The following NOTCH2 variants were observed in gnomAD, a reference collection of about 807,000 sequenced individuals.
NOTCH2 encodes the protein notch receptor 2.
In NOTCH2, 29 loss-of-function variants were observed where a neutral mutation model predicts 235.8. The ratio of observed to expected loss-of-function variants is 0.12; its 90% CI spans 0.09 to 0.17. The LOEUF is 0.17. Among genes scored for constraint, NOTCH2 ranks in the 10% least tolerant of loss-of-function variants. NOTCH2 has a pLI of 1.00. For missense variants in NOTCH2, 2,285 were observed against 3,150.2 expected (o/e 0.73, Z 6.57); for synonymous variants, 1,086 against 1,141.5 (o/e 0.95, Z 0.98).
At chr1:119,979,725 A>G (rs1365329858) in intron 5 of NOTCH2, among the ~76,000 whole-genome samples, 1 of 152,214 alleles carries the variant, frequency 6.6e-6, no homozygotes, top group Non-Finnish European at 1.5e-5. Context: ...AATTGTAAAT[A>G]TCAAGAATAA....
intron 5 of NOTCH2, among the ~76,000 whole-genome samples, chr1:119,985,940 A>C (rs2101182303): frequency 6.6e-6 from 1 of 152,340 alleles, no homozygotes; most frequent in African/African-American, 2.4e-5. Flanking sequence ...AATTAAAAGC[A>C]GAAATGTTTG....
At chr1:119,988,566 A>G (rs909261009) in intron 4 of NOTCH2, among the ~76,000 whole-genome samples, 1 of 152,204 alleles carries the variant, frequency 6.6e-6, no homozygotes, top group Non-Finnish European at 1.5e-5. Context: ...ATGATGAGCC[A>G]TTGAAGCCCA....
rs756949183 is a variant in NOTCH2, at chr1:119,916,618, T to C, written c.6104A>G (p.Asn2035Ser). The part of the protein sequence containing the change: ...AAKILLDHFA[N>S]RDITDHMDRL... ...ATCCATATGGTCTGTGATGTCTCGA[T>C]TGGCAAAATGGTCTAACAGGATCTT... Residue 2035 changes from asparagine to serine, a missense_variant, in exon 34 of 34, where the codon AAT (asparagine) becomes AGT (serine). Coordinates refer to ENST00000256646, the MANE Select transcript of NOTCH2 (RefSeq NM_024408.4). The C allele has an allele frequency of 1.2e-5, 20 of 1,614,048 alleles. No individual in the cohort carries two copies. The highest frequency in any genetic ancestry group is 1.6e-4 in the Middle Eastern group (1 of 6,084).
chr1:119,946,639 A>C (rs1334316463), intron 17 of NOTCH2, among the ~76,000 whole-genome samples: 1 of 152,106 alleles, frequency 6.6e-6, no homozygotes. Context: ...AAATACAAAA[A>C]GACCTCTTAA....
At chr1:119,943,661 T>C (rs1427250260) in intron 17 of NOTCH2, among the ~76,000 whole-genome samples, 1 of 152,064 alleles carries the variant, frequency 6.6e-6, no homozygotes, top group Non-Finnish European at 1.5e-5. Context: ...ATGTCTAGCA[T>C]CCAGTAAAAA....
rs147568545 is a variant in NOTCH2, at chr1:119,933,936, T to C, written c.3655+1536A>G. On this transcript the variant is annotated intron_variant, in intron 22 of 33. Coordinates refer to ENST00000256646, the MANE Select transcript of NOTCH2 (RefSeq NM_024408.4). Reference sequence around the variant, plus strand: ...TCCAGACTGAGCTAGTGGAAGCTGCTGTATGACCCTTCAAGTCTGTCCCTC... The same window carrying C: ...TCCAGACTGAGCTAGTGGAAGCTGCCGTATGACCCTTCAAGTCTGTCCCTC... Among the ~76,000 whole-genome samples the C allele has an allele frequency of 3.3e-5, 5 of 152,374 alleles. No homozygotes were observed. In the East Asian group the frequency reaches 9.6e-4, roughly 29 times the overall value.
In NOTCH2 at chr1:119,919,518, T is replaced by C. The variant is rs1369160674; in HGVS notation, c.5575A>G (p.Ile1859Val). 5 of 1,613,908 alleles carry C rather than the reference T, an allele frequency of 3.1e-6. No individual in the cohort carries two copies. Among genetic ancestry groups the C allele is most frequent in the Non-Finnish European group, 3.4e-6 (4 of 1,180,056 alleles). Residue 1859 changes from isoleucine to valine, a missense_variant, in exon 31 of 34, where the codon ATC becomes GTC. By Grantham distance (29) the Ile-to-Val change is conservative (BLOSUM62 3). Coordinates refer to ENST00000256646, the MANE Select transcript of NOTCH2 (RefSeq NM_024408.4). ...GCACCCTGGTAGACCAAGTCTGTGA[T>C]GATGTTAGCAGAAGAGTCCTCTGCA... ...EDAEDSSANI[I>V]TDLVYQGASL...
chr1:119,921,698 C>T lies in NOTCH2; in HGVS notation c.5310+15G>A, dbSNP rs1253551555. On this transcript the variant is annotated intron_variant, in intron 29 of 33. Coordinates refer to ENST00000256646, the MANE Select transcript of NOTCH2 (RefSeq NM_024408.4). The stretch of plus-strand genomic sequence containing the variant: ...ATAATGGCTGACAATGGTGGTTCTA[C>T]CATGGCCACCTCACCTTTACTTTCT... 4 of 1,609,252 alleles carry T rather than the reference C, an allele frequency of 2.5e-6. No homozygotes were observed. The highest frequency in any genetic ancestry group is 3.4e-6 in the Non-Finnish European group (4 of 1,175,532).
intron 19 of NOTCH2, 51 bp from the exon 20 acceptor site, chr1:119,938,061 G>T: frequency 1.3e-6 from 2 of 1,579,178 alleles, no homozygotes; most frequent in Non-Finnish European, 1.7e-6. Context: ...TACTAGAAAT[G>T]AAGAAAAGAA....
At chr1:119,934,004 C>A (rs1472517356) in intron 22 of NOTCH2, among the ~76,000 whole-genome samples, 1 of 152,194 alleles carries the variant, frequency 6.6e-6, no homozygotes, top group African/African-American at 2.4e-5. Flanking sequence ...TGTTTCAAAC[C>A]ACATATCTAA....
chr1:119,987,389 T>G (rs1652061690), intron 4 of NOTCH2, among the ~76,000 whole-genome samples: 1 of 152,182 alleles, frequency 6.6e-6, no homozygotes, highest in African/African-American at 2.4e-5. Flanking sequence ...ACAGAGATAT[T>G]CAAGGGTTCT....
chr1:120,004,962 T>C (rs1652904997), intron 3 of NOTCH2, among the ~76,000 whole-genome samples: 1 of 152,018 alleles, frequency 6.6e-6, no homozygotes, highest in Admixed American at 6.6e-5. Flanking sequence ...TTTATTCTTG[T>C]TTTTTTGTAG....
Position 119,925,729 on chromosome 1 carries a change from C to T in NOTCH2, c.4087G>A (p.Gly1363Arg). 6.2e-7 allele frequency: 1 copy of T among 1,613,988 alleles called. No homozygotes were observed. The highest frequency in any genetic ancestry group is 1.7e-4 in the Middle Eastern group (1 of 6,060). The part of the protein sequence containing the change: ...KGEQCVHTAS[G>R]PRCFCPSPRD... ...GGACTGGGGCAGAAGCAGCGGGGTC[C>T]AGAGGCGGTGTGCACACACTGCTCC... The change falls in exon 25 of 34, where the codon GGA (glycine) becomes AGA (arginine). Residue 1363 changes from glycine to arginine, a missense_variant. Gly to Arg is a moderately radical substitution (Grantham distance 125). This residue lies in a region of NOTCH2 where 1,173 missense variants were observed against 1,515.3 expected (regional missense o/e 0.77). Coordinates refer to ENST00000256646, the MANE Select transcript of NOTCH2 (RefSeq NM_024408.4).
At chr1:119,958,075 G>A (rs1381315326) in intron 12 of NOTCH2, among the ~76,000 whole-genome samples, 1 of 152,116 alleles carries the variant, frequency 6.6e-6, no homozygotes, top group Non-Finnish European at 1.5e-5. Flanking sequence ...CTCAAAATTA[G>A]TTCTTCATAA....
rs1649570233 is a variant in NOTCH2, at chr1:119,929,189, C to T, written c.3679G>A (p.Asp1227Asn). The change falls in exon 23 of 34, where the codon GAT becomes AAT. Residue 1227 changes from aspartate to asparagine, a missense_variant. Transcript: ENST00000256646. ...TRGLLCEENI[D>N]DCARGPHCLN... is the part of the protein sequence containing the mutation. ...CAATGGGGACCCCGGGCACAGTCAT[C>T]AATGTTCTCTTCACAGAGTAGGCCT... The T allele has an allele frequency of 1.2e-6, 2 of 1,614,114 alleles. No homozygotes were observed. Among genetic ancestry groups the T allele is most frequent in the Non-Finnish European group, 1.7e-6 (2 of 1,179,950 alleles).
chr1:120,054,803 C>CA (rs1417113590), intron 1 of NOTCH2, among the ~76,000 whole-genome samples: 42 of 136,548 alleles, frequency 3.1e-4, no homozygotes, highest in African/African-American at 1.1e-3. Flanking sequence ...TGGATTATAA[C>CA]AAACATAATT....
intron 5 of NOTCH2, among the ~76,000 whole-genome samples, chr1:119,970,840 G>A (rs1462105880): frequency 1.3e-5 from 2 of 152,196 alleles, no homozygotes; most frequent in East Asian, 1.9e-4. Flanking sequence ...TCTAAAACAT[G>A]ACAAGTTGTT....
intron 18 of NOTCH2, 26 bp from the exon 19 acceptor site, chr1:119,940,782 G>C: frequency 1.3e-6 from 2 of 1,594,708 alleles, no homozygotes; most frequent in Non-Finnish European, 1.7e-6. Flanking sequence ...AGCAACATCA[G>C]CTATGTATCT....
At chr1:119,932,326 G>A (rs1649693655) in intron 22 of NOTCH2, among the ~76,000 whole-genome samples, 1 of 152,130 alleles carries the variant, frequency 6.6e-6, no homozygotes, top group South Asian at 2.1e-4. Context: ...GGTGGCTCAC[G>A]CCTGTCATCC....
Sources: gnomAD v4.1 joint callset for allele counts (sites outside exome capture counted in the v4.1 genomes callset) on GRCh38, gnomAD v4.1.1 for gene constraint, gnomAD v4.1.1 regional missense constraint, MANE v1.5 for transcripts, NCBI Gene and HGNC (gene_info 2026-07-23, HGNC 2026-07-21) for gene names.